Variants in SCN4A observed in about 807,000 individuals in gnomAD.
SCN4A encodes the protein sodium voltage-gated channel alpha subunit 4.
Under a neutral mutation model 162.0 loss-of-function variants are expected in SCN4A, and 83 were observed. That is an observed-to-expected ratio of 0.51 (90% CI 0.43 to 0.61). The LOEUF is 0.61. Ranked by LOEUF, SCN4A falls within the 20% of genes least tolerant of loss-of-function variation. The probability of loss-of-function intolerance (pLI) is 0.00; values close to 1 mark genes in which losing one functional copy is unlikely to be tolerated. For synonymous variants in SCN4A, 944 were observed against 985.1 expected, an observed-to-expected ratio of 0.96 and a Z score of 0.78; for missense variants, 2,196 against 2,462.5, an observed-to-expected ratio of 0.89 and a Z score of 2.29.
chr17:63,947,281 C>G (rs1567818883), intron 17 of SCN4A, 114 bp from the exon 18 acceptor site: 4 of 1,363,682 alleles, frequency 2.9e-6, no homozygotes, highest in Admixed American at 3.5e-5. Flanking sequence ...CTTAGATCCC[C>G]TCCCTAGTGG....
Position 63,944,863 on chromosome 17 carries a change from GC to G in SCN4A, c.3775-54del. 1.2e-6 allele frequency: 2 copies of G among 1,603,120 alleles called. No homozygotes were observed. ...TGGGTTTGCACGCTGGCTTCTCCCT[GC>G]CCCCCACAGCCCTGAGGGCAGGACC... On this transcript the variant is annotated intron_variant, in intron 20 of 23. Transcript: ENST00000435607. This position sits in a 1 kb window ranked among gnomAD's most constrained non-coding sequence, Gnocchi z 4.3.
At position 63,945,965 on chromosome 17, in the gene SCN4A, A is replaced by G. The variant is rs1390336602; in HGVS notation, c.3442-327T>C. On this transcript the variant is annotated intron_variant, in intron 18 of 23. Transcript: ENST00000435607. The surrounding 1 kb of genome is among the most constrained non-coding windows in gnomAD (Gnocchi z 4.4). ...CACTCTTTGCTCAGCCCCCATAGGA[A>G]ACTCAGCTCACGTGACCCAGCCCCT... 6.6e-6 allele frequency among the ~76,000 whole-genome samples: 1 copy of G among 151,996 alleles called. No homozygotes were observed. Among genetic ancestry groups the G allele is most frequent in the East Asian group, 1.9e-4 (1 of 5,180 alleles).
In SCN4A at chr17:63,941,649, T is replaced by C. The variant is rs527928131; in HGVS notation, c.4633A>G (p.Ile1545Val). The C allele has an allele frequency of 2.0e-5, 32 of 1,613,926 alleles. No homozygotes were observed. The East Asian group carries it at 6.9e-4, about 35-fold the overall frequency. ...CAGTCTGGGGGCCCGCTGTTGAGGA[T>C]GGGGTTGAGGAGCCCGTCCCAGCCG... ...SAGWDGLLNP[I>V]LNSGPPDCDP... Residue 1545 changes from isoleucine (I) to valine (V), a missense_variant, in exon 24 of 24, where the codon ATC (isoleucine) becomes GTC (valine). By Grantham distance (29) the Ile-to-Val change is conservative. Transcript: ENST00000435607. The surrounding 1 kb of genome is among the most constrained non-coding windows in gnomAD (Gnocchi z 6.2).
Position 63,945,788 on chromosome 17 carries a change from G to T in SCN4A, c.3442-150C>A. 1 of 683,626 alleles carries T rather than the reference G, an allele frequency of 1.5e-6. No individual in the cohort carries two copies. Among genetic ancestry groups the T allele is most frequent in the Non-Finnish European group, 2.5e-6 (1 of 399,094 alleles). 42.3% of individuals were successfully genotyped at this position (683,626 alleles called of 1,614,324 possible). ...AGGGCCGACCTGCTGGGCTGTGTGTGTGCAGGTTGGGGGTGGTAAGGGGGA... is the reference window on the plus strand; with the variant it reads ...AGGGCCGACCTGCTGGGCTGTGTGTTTGCAGGTTGGGGGTGGTAAGGGGGA... On this transcript the variant is annotated intron_variant, in intron 18 of 23. Coordinates refer to ENST00000435607, the MANE Select transcript of SCN4A (RefSeq NM_000334.4). The surrounding 1 kb of genome is among the most constrained non-coding windows in gnomAD (Gnocchi z 4.4).
At chr17:63,952,194 T>C (rs1254228911) in intron 13 of SCN4A, among the ~76,000 whole-genome samples, 1 of 151,688 alleles carries the variant, frequency 6.6e-6, no homozygotes, top group African/African-American at 2.4e-5. Flanking sequence ...CTGTCCTTTT[T>C]TTTCTTTTTT....
intron 5 of SCN4A, among the ~76,000 whole-genome samples, chr17:63,970,627 C>A (rs1403571064): frequency 6.6e-6 from 1 of 151,602 alleles, no homozygotes. Context: ...CCAGGCCCAG[C>A]TAATTTGTTT....
In SCN4A at chr17:63,961,481, G is replaced by A. The variant is rs200191243; in HGVS notation, c.1607-50C>T. On this transcript the variant is annotated intron_variant, in intron 10 of 23. Coordinates refer to ENST00000435607, the MANE Select transcript of SCN4A (RefSeq NM_000334.4). ...TCTGGTGAGGATTATCCCCTCACGT[G>A]CCCCCGGCTCCAGCTAGAGCTTTTG... The A allele has an allele frequency of 1.7e-4, 227 of 1,350,502 alleles. 2 individuals carry two copies. In the East Asian group the frequency reaches 4.2e-3, roughly 25 times the overall value. 83.7% of individuals were successfully genotyped at this position (1,350,502 alleles called of 1,614,324 possible).
chr17:63,963,904 TC>T, intron 9 of SCN4A, 79 bp from the exon 10 acceptor site: 1 of 1,375,036 alleles, frequency 7.3e-7, no homozygotes, highest in Non-Finnish European at 9.8e-7. Flanking sequence ...CAGAGCTTCT[TC>T]CAGAGTCCTT....
At chr17:63,956,547 G>A (rs546798405) in intron 13 of SCN4A, among the ~76,000 whole-genome samples, 20 of 152,224 alleles carry the variant, frequency 1.3e-4, no homozygotes, top group Non-Finnish European at 2.6e-4. Flanking sequence ...TCTCTTTTTC[G>A]GCGCCTGGAC....
rs1306303510 is a variant in SCN4A at position 63,944,173 on chromosome 17, C to T, written c.3913-323G>A. Among the ~76,000 whole-genome samples the T allele has an allele frequency of 6.6e-6, 1 of 151,988 alleles. No individual in the cohort carries two copies. Among genetic ancestry groups the T allele is most frequent in the Admixed American group, 6.6e-5 (1 of 15,258 alleles). ...TTTTTGTTGTTGAGATGGAGTCTCGCTCTGTCACCAGGCTGGAGTGCAGTG... is the reference window on the plus strand; with the variant it reads ...TTTTTGTTGTTGAGATGGAGTCTCGTTCTGTCACCAGGCTGGAGTGCAGTG... On this transcript the variant is annotated intron_variant, in intron 21 of 23. Transcript: ENST00000435607. This position sits in a 1 kb window ranked among gnomAD's most constrained non-coding sequence, Gnocchi z 4.3.
At chr17:63,962,660 A>G (rs990814001) in intron 10 of SCN4A, among the ~76,000 whole-genome samples, 2 of 152,052 alleles carry the variant, frequency 1.3e-5, no homozygotes, top group Non-Finnish European at 2.9e-5. Flanking sequence ...CATGCCGGGG[A>G]GGGTGGCTGA....
At chr17:63,965,915 T>TGGCTC (rs1441388023) in intron 8 of SCN4A, among the ~76,000 whole-genome samples, 187 bp downstream of exon 8, 2 of 152,222 alleles carry the variant, frequency 1.3e-5, no homozygotes, top group African/African-American at 4.8e-5. Context: ...AGCTGTGGCT[T>TGGCTC]GGCTCGGGGC....
At chr17:63,968,726 G>A (rs1476209495) in intron 5 of SCN4A, among the ~76,000 whole-genome samples, 1 of 152,218 alleles carries the variant, frequency 6.6e-6, no homozygotes, top group Non-Finnish European at 1.5e-5. Flanking sequence ...AAAAGGGGGC[G>A]TTGATAATGT....
Position 63,949,738 on chromosome 17 carries a change from G to A in SCN4A, c.2854-210C>T, listed in dbSNP as rs1908847963. Reference sequence around the variant, plus strand: ...TCATGCCCGCATGACACTTATATAAGGAGTGGGGCGGGGCTGATGCCTGGG... The same window carrying A: ...TCATGCCCGCATGACACTTATATAAAGAGTGGGGCGGGGCTGATGCCTGGG... On this transcript the variant is annotated intron_variant, in intron 14 of 23. Coordinates refer to ENST00000435607, the MANE Select transcript of SCN4A (RefSeq NM_000334.4). 5 of 532,750 alleles carry A rather than the reference G, an allele frequency of 9.4e-6. No individual in the cohort carries two copies. The South Asian group carries it at 1.0e-4, about 11-fold the overall frequency. 33.0% of individuals were successfully genotyped at this position (532,750 alleles called of 1,614,324 possible). A position where few individuals can be genotyped will look rare whatever the true frequency, so the allele number is the denominator to read the frequency against.
rs1409390480 is a variant in SCN4A, at chr17:63,950,138, G to A, written c.2854-610C>T. ...CCTCCCACCTCCTCCTGCTGGGCCA[G>A]GCCAGCTTCCCGGCCCCAGACTCCA... On this transcript the variant is annotated intron_variant, in intron 14 of 23. Transcript: ENST00000435607. The surrounding 1 kb of genome is among the most constrained non-coding windows in gnomAD (Gnocchi z 4.6). 6.6e-6 allele frequency among the ~76,000 whole-genome samples: 1 copy of A among 152,170 alleles called. No homozygotes were observed. The highest frequency in any genetic ancestry group is 2.4e-5 in the African/African-American group (1 of 41,448).
Position 63,948,685 on chromosome 17 carries a change from A to T in SCN4A, c.3070T>A (p.Cys1024Ser). The change falls in exon 16 of 24, where the codon TGC (cysteine) becomes AGC (serine). Residue 1024 changes from cysteine to serine, a missense_variant. By Grantham distance (112) the Cys-to-Ser change is moderately radical (BLOSUM62 -1). Coordinates refer to ENST00000435607, the MANE Select transcript of SCN4A (RefSeq NM_000334.4). The part of the protein sequence containing the change: ...GKKWWTLRRA[C>S]FKIVEHNWFE... ...CAGTTGTGCTCGACAATCTTGAAGC[A>T]GGCCCTGCGCAGAGTCCACCACTTC... The T allele has an allele frequency of 6.2e-7, 1 of 1,613,750 alleles. No individual in the cohort carries two copies. Among genetic ancestry groups the T allele is most frequent in the Non-Finnish European group, 8.5e-7 (1 of 1,179,822 alleles).
chr17:63,961,875 C>A (rs974276228), intron 10 of SCN4A, among the ~76,000 whole-genome samples: 2 of 150,214 alleles, frequency 1.3e-5, no homozygotes, highest in Non-Finnish European at 3.0e-5. Flanking sequence ...CAAAGCCCCA[C>A]CCCCGGCTCC....
At chr17:63,949,225 T>C (rs541025509) in intron 15 of SCN4A, among the ~76,000 whole-genome samples, 168 bp downstream of exon 15, 115 of 152,276 alleles carry the variant, frequency 7.6e-4, no homozygotes, top group Non-Finnish European at 1.4e-3. Flanking sequence ...TCTGCATGGA[T>C]CTTGCACCAC....
Position 63,944,573 on chromosome 17 carries a change from C to T in SCN4A, c.3912+100G>A. On this transcript the variant is annotated intron_variant, in intron 21 of 23. Coordinates refer to ENST00000435607, the MANE Select transcript of SCN4A (RefSeq NM_000334.4). The surrounding 1 kb of genome is among the most constrained non-coding windows in gnomAD (Gnocchi z 4.3). ...GCCTGAACCAACAACCTGGTAGGTG[C>T]TCAGGCAGCGTTTGTGGGTTTGTGC... 2 of 1,346,912 alleles carry T rather than the reference C, an allele frequency of 1.5e-6. No individual in the cohort carries two copies. Among genetic ancestry groups the T allele is most frequent in the East Asian group, 2.5e-5 (1 of 39,624 alleles). 83.4% of individuals were successfully genotyped at this position (1,346,912 alleles called of 1,614,324 possible).
Sources: allele counts gnomAD v4.1 joint callset (sites outside exome capture counted in the v4.1 genomes callset), GRCh38; gene constraint gnomAD v4.1.1; non-coding constraint Gnocchi (gnomAD v3.1); transcripts MANE v1.5; gene names NCBI Gene and HGNC (gene_info 2026-07-23, HGNC 2026-07-21).